ZFYVE28: variants seen among roughly 807,000 people sequenced by gnomAD.
ZFYVE28 encodes the protein zinc finger FYVE-type containing 28.
Under a neutral mutation model 82.1 loss-of-function variants are expected in ZFYVE28, and 40 were observed. That is an observed-to-expected ratio of 0.49 (90% CI 0.38 to 0.63). The LOEUF (loss-of-function observed/expected upper bound fraction) is 0.63. Among genes scored for constraint, ZFYVE28 ranks in the 30% least tolerant of loss-of-function variants. ZFYVE28 has a pLI of 0.00. For missense variants in ZFYVE28, 1,321 were observed against 1,242.1 expected, an observed-to-expected ratio of 1.06 and a Z score of -0.96; for synonymous variants, 612 against 546.1, an observed-to-expected ratio of 1.12 and a Z score of -1.68.
In ZFYVE28 at chr4:2,270,447, G is replaced by C. The variant is rs7664817; in HGVS notation, c.*278C>G. The C allele has an allele frequency of 0.03, 14,667 of 496,948 alleles. 1,308 individuals carry two copies. Among genetic ancestry groups the C allele is most frequent in the African/African-American group, 0.22 (11,164 of 51,408 alleles). 30.8% of individuals were successfully genotyped at this position (496,948 alleles called of 1,614,324 possible). On this transcript the variant is annotated 3_prime_UTR_variant, in exon 13 of 13. Transcript: ENST00000290974. ...CCGAGGGACCAGTGGGAGGGCCCAGGCCTTCTCCGCCAGGCACCCTGCCCT... is the reference window on the plus strand; with the variant it reads ...CCGAGGGACCAGTGGGAGGGCCCAGCCCTTCTCCGCCAGGCACCCTGCCCT...
Position 2,273,210 on chromosome 4 carries a change from G to A in ZFYVE28, c.2286C>T (p.Thr762=). 6.2e-7 allele frequency: 1 copy of A among 1,613,906 alleles called. No homozygotes were observed. Among genetic ancestry groups the A allele is most frequent in the Non-Finnish European group, 8.5e-7 (1 of 1,179,908 alleles). ...ILKTLFEVMA[T]KPETDDKEKL... ...TTTCCTTGTCGTCTGTTTCAGGCTT[G>A]GTGGCCATGACCTCAAACAGTGTTT... The change falls in exon 10 of 13, where the codon ACC becomes ACT. Residue 762 remains threonine (T), a synonymous_variant. Coordinates refer to ENST00000290974, the MANE Select transcript of ZFYVE28 (RefSeq NM_020972.3).
intron 5 of ZFYVE28, among the ~76,000 whole-genome samples, chr4:2,337,019 A>C (rs1291809066): frequency 2.0e-4 from 28 of 136,800 alleles, no homozygotes; most frequent in East Asian, 5.3e-4. Context: ...GGAGGTGAGG[A>C]GTGAGGACAT....
rs780299856 is a variant in ZFYVE28, at chr4:2,304,328, G to T, written c.2012C>A (p.Pro671His). The part of the protein sequence containing the change: ...PEARELHAGS[P>H]SAHEAPQALS... ...GGCCTGAGGCGCCTCGTGAGCCGAG[G>T]GGCTCCCAGCATGCAGCTCTCTGGC... is the stretch of plus-strand genomic sequence containing the variant. The change falls in exon 8 of 13, where the codon CCC (proline) becomes CAC (histidine). Residue 671 changes from proline to histidine, a missense_variant. Physicochemically the swap from Pro to His is moderately conservative, Grantham distance 77 (BLOSUM62 -2). Transcript: ENST00000290974. 17 of 1,602,926 alleles carry T rather than the reference G, an allele frequency of 1.1e-5. No individual in the cohort carries two copies. The Admixed American group carries it at 2.2e-4, about 21-fold the overall frequency.
intron 2 of ZFYVE28, among the ~76,000 whole-genome samples, chr4:2,347,134 T>C (rs934648590): frequency 6.6e-6 from 1 of 152,158 alleles, no homozygotes; most frequent in Non-Finnish European, 1.5e-5. Flanking sequence ...CTGGAGTGGC[T>C]ACATGAATAC....
At chr4:2,346,105 G>A (rs1723508375) in intron 2 of ZFYVE28, among the ~76,000 whole-genome samples, 1 of 151,678 alleles carries the variant, frequency 6.6e-6, no homozygotes, top group Non-Finnish European at 1.5e-5. Context: ...AGGGCGGGTG[G>A]ATCACAAGGT....
rs770584386 is a variant in ZFYVE28, at chr4:2,304,427, G to A, written c.1913C>T (p.Thr638Ile). The A allele has an allele frequency of 1.3e-5, 21 of 1,613,540 alleles. No individual in the cohort carries two copies. The highest frequency in any genetic ancestry group is 1.7e-5 in the Admixed American group (1 of 60,008). The change falls in exon 8 of 13, where the codon ACC becomes ATC. Residue 638 changes from threonine (T) to isoleucine (I), a missense_variant. Thr to Ile is a moderately conservative substitution (Grantham distance 89). This residue lies in a region of ZFYVE28 where 978 missense variants were observed against 833.7 expected (regional missense o/e 1.17). Coordinates refer to ENST00000290974, the MANE Select transcript of ZFYVE28 (RefSeq NM_020972.3). Reference sequence around the variant, plus strand: ...CGCTGTGTCCACCTGGGAACCTGAGGTGTGAGGCAGGCACTTGTCGGAAGT... The same window carrying A: ...CGCTGTGTCCACCTGGGAACCTGAGATGTGAGGCAGGCACTTGTCGGAAGT... Reference protein sequence around the residue: ...APTSDKCLPHTSGSQVDTASG... With the variant: ...APTSDKCLPHISGSQVDTASG...
chr4:2,360,573 G>C (rs949505465), intron 1 of ZFYVE28, among the ~76,000 whole-genome samples: 1 of 152,134 alleles, frequency 6.6e-6, no homozygotes, highest in Non-Finnish European at 1.5e-5. Flanking sequence ...GCGGGAGCAG[G>C]AGGGGTCTTT....
chr4:2,386,452 T>A lies in ZFYVE28; in HGVS notation c.39+31833A>T, dbSNP rs141770203. ...GTGAGCTGAGATCTCACCACTGCAA[T>A]CCAGCCTGGGCAACACAGGGAGACT... On this transcript the variant is annotated intron_variant, in intron 1 of 12. Transcript: ENST00000290974. 9.9e-4 allele frequency among the ~76,000 whole-genome samples: 150 copies of A among 152,066 alleles called. 1 individual carries two copies. Among genetic ancestry groups the A allele is most frequent in the African/African-American group, 3.6e-3 (148 of 41,452 alleles).
In ZFYVE28 at chr4:2,332,718, C is replaced by T. The variant is rs1720906499; in HGVS notation, c.701+2987G>A. Among the ~76,000 whole-genome samples the T allele has an allele frequency of 6.6e-6, 1 of 152,152 alleles. No homozygotes were observed. The highest frequency in any genetic ancestry group is 2.4e-5 in the African/African-American group (1 of 41,422). On this transcript the variant is annotated intron_variant, in intron 6 of 12. Coordinates refer to ENST00000290974, the MANE Select transcript of ZFYVE28 (RefSeq NM_020972.3). This position sits in a 1 kb window ranked among gnomAD's most constrained non-coding sequence, Gnocchi z 4.7. ...TGGATGACGAGGAACAAGACGGGAT[C>T]CGCTGGTGGTGCAGGGCTGCAGGGC...
intron 8 of ZFYVE28, among the ~76,000 whole-genome samples, chr4:2,290,096 G>A (rs564907964): frequency 2.6e-5 from 4 of 152,260 alleles, no homozygotes; most frequent in East Asian, 1.9e-4. Flanking sequence ...GGCAGGCCCC[G>A]TCAGAGCCAC....
At chr4:2,378,722 A>T (rs1578317787) in intron 1 of ZFYVE28, among the ~76,000 whole-genome samples, 1 of 152,084 alleles carries the variant, frequency 6.6e-6, no homozygotes, top group Non-Finnish European at 1.5e-5. Flanking sequence ...GTATTGATCC[A>T]CCCCTGCTCC....
chr4:2,371,660 A>G (rs1054668887), intron 1 of ZFYVE28, among the ~76,000 whole-genome samples: 3 of 152,244 alleles, frequency 2.0e-5, no homozygotes, highest in African/African-American at 7.2e-5. Flanking sequence ...ACAGACAAAC[A>G]AACAAACAAA....
intron 1 of ZFYVE28, among the ~76,000 whole-genome samples, chr4:2,383,086 C>G (rs1003085681): frequency 6.6e-6 from 1 of 152,148 alleles, no homozygotes; most frequent in African/African-American, 2.4e-5. Context: ...GGCGGGGAAA[C>G]AGCCAAGCCA....
chr4:2,352,145 T>C (rs1019089986), intron 2 of ZFYVE28, among the ~76,000 whole-genome samples: 1 of 152,194 alleles, frequency 6.6e-6, no homozygotes, highest in African/African-American at 2.4e-5. Flanking sequence ...TAAATGGACC[T>C]GTGCAGTTCA....
chr4:2,388,125 G>GC (rs985284089), intron 1 of ZFYVE28, among the ~76,000 whole-genome samples: 1 of 152,200 alleles, frequency 6.6e-6, no homozygotes, highest in African/African-American at 2.4e-5. Flanking sequence ...AGCACACACT[G>GC]CCCCCCAGTC....
rs939044547 is a variant in ZFYVE28, at chr4:2,364,508, T to G, written c.40-10435A>C. On this transcript the variant is annotated intron_variant, in intron 1 of 12. Coordinates refer to ENST00000290974, the MANE Select transcript of ZFYVE28 (RefSeq NM_020972.3). ...TACCCAGAGGGTGGCTGTGCCTGTT[T>G]AGAGGAATCCTCCACAGCCCAGACG... 26 of 985,348 alleles carry G rather than the reference T, an allele frequency of 2.6e-5. No homozygotes were observed. In the African/African-American group the frequency reaches 4.2e-4, roughly 16 times the overall value. The allele number at this position is 985,348 out of a possible 1,614,324, so 61.0% of individuals were successfully genotyped here.
At chr4:2,290,553 C>T (rs930475556) in intron 8 of ZFYVE28, among the ~76,000 whole-genome samples, 1 of 152,196 alleles carries the variant, frequency 6.6e-6, no homozygotes, top group African/African-American at 2.4e-5. Context: ...CTCCAAAAGC[C>T]GGGGGCCATG....
chr4:2,327,081 C>T (rs185683442), intron 6 of ZFYVE28, among the ~76,000 whole-genome samples: 2,127 of 151,470 alleles, frequency 0.014, 59 homozygotes, highest in African/African-American at 0.049. Context: ...GAAACCCTGT[C>T]TCTACTAAAA....
chr4:2,357,476 G>A (rs908818509), intron 1 of ZFYVE28, among the ~76,000 whole-genome samples: 1 of 152,184 alleles, frequency 6.6e-6, no homozygotes, highest in Non-Finnish European at 1.5e-5. Context: ...CATGAGACCC[G>A]CTGGGCCTGA....
Sources: allele counts gnomAD v4.1 joint callset (sites outside exome capture counted in the v4.1 genomes callset), GRCh38; gene constraint gnomAD v4.1.1; regional missense constraint gnomAD v4.1.1; non-coding constraint Gnocchi (gnomAD v3.1); transcripts MANE v1.5; gene names NCBI Gene and HGNC (gene_info 2026-07-23, HGNC 2026-07-21).